The following LRRC4C variants were observed in gnomAD, a reference collection of about 807,000 sequenced individuals.
LRRC4C encodes the protein leucine rich repeat containing 4C, also known as leucine-rich repeat-containing protein 4C.
LRRC4C carries 5 observed loss-of-function variants against 33.6 expected under a neutral mutation model. That is an observed-to-expected ratio of 0.15 (90% CI 0.08 to 0.31). The LOEUF (loss-of-function observed/expected upper bound fraction) is 0.31, where lower values mean the gene tolerates loss of function less well. Ranked by LOEUF, LRRC4C falls within the 10% of genes least tolerant of loss-of-function variation. The probability of loss-of-function intolerance (pLI) is 1.00; values close to 1 mark genes in which losing one functional copy is unlikely to be tolerated. For missense variants in LRRC4C, 560 were observed against 796.7 expected, an observed-to-expected ratio of 0.70 and a Z score of 3.58; for synonymous variants, 329 against 302.0, an observed-to-expected ratio of 1.09 and a Z score of -0.93.
chr11:40,828,885 A>G (rs1156939396), intron 2 of LRRC4C, among the ~76,000 whole-genome samples: 3 of 151,984 alleles, frequency 2.0e-5, no homozygotes, highest in Non-Finnish European at 2.9e-5. Flanking sequence ...ATAAATCTAA[A>G]TATTTATAAA....
chr11:40,867,222 AATTAGAACTACTTCCATCATTGTACTCC>A (rs1954410518), intron 2 of LRRC4C, among the ~76,000 whole-genome samples: 1 of 152,162 alleles, frequency 6.6e-6, no homozygotes, highest in African/African-American at 2.4e-5. Context: ...GTATTGAATA[AATTAGAACTACTTCCATCATTGTACTCC>A]ATATATATCT....
At chr11:40,163,766 C>T (rs1355742148) in intron 5 of LRRC4C, among the ~76,000 whole-genome samples, 1 of 152,002 alleles carries the variant, frequency 6.6e-6, no homozygotes, top group East Asian at 1.9e-4. Flanking sequence ...GAGCCACACC[C>T]TTATATAATC....
intron 1 of LRRC4C, among the ~76,000 whole-genome samples, chr11:41,192,203 T>C (rs552942223): frequency 6.6e-6 from 1 of 152,232 alleles, no homozygotes; most frequent in African/African-American, 2.4e-5. Flanking sequence ...TACTAATTTT[T>C]GTTATTGGTT....
chr11:40,883,697 T>C (rs1955296863), intron 2 of LRRC4C, among the ~76,000 whole-genome samples: 1 of 151,944 alleles, frequency 6.6e-6, no homozygotes, highest in South Asian at 2.1e-4. Flanking sequence ...CTTTCTTCCT[T>C]TAAAAATGCT....
intron 2 of LRRC4C, among the ~76,000 whole-genome samples, chr11:40,907,787 C>A (rs550217915): frequency 1.3e-5 from 2 of 152,306 alleles, no homozygotes; most frequent in South Asian, 4.1e-4. Context: ...ATTCTTAAAT[C>A]TCAATGTGGC....
chr11:41,154,341 C>T (rs1590773436), intron 1 of LRRC4C, among the ~76,000 whole-genome samples: 1 of 152,102 alleles, frequency 6.6e-6, no homozygotes, highest in South Asian at 2.1e-4. Context: ...TTGCTTACAT[C>T]TTCATCTGTA....
intron 1 of LRRC4C, among the ~76,000 whole-genome samples, chr11:41,298,791 C>A (rs554461233): frequency 6.6e-6 from 1 of 152,134 alleles, no homozygotes; most frequent in East Asian, 1.9e-4. Flanking sequence ...TCCCACCCAC[C>A]CTTGCCCTTC....
intron 6 of LRRC4C, among the ~76,000 whole-genome samples, chr11:40,122,978 C>CAT (rs1855944084): frequency 7.0e-6 from 1 of 142,406 alleles, no homozygotes; most frequent in Non-Finnish European, 1.5e-5. Flanking sequence ...CACACACACA[C>CAT]ACACACACAT....
At chr11:40,934,983 C>G (rs939518910) in intron 1 of LRRC4C, among the ~76,000 whole-genome samples, 1 of 152,118 alleles carries the variant, frequency 6.6e-6, no homozygotes, top group Non-Finnish European at 1.5e-5. Flanking sequence ...ATGACTTACA[C>G]GTTGACCCTA....
intron 3 of LRRC4C, among the ~76,000 whole-genome samples, chr11:40,395,648 GT>G (rs1949508391): frequency 6.6e-6 from 1 of 152,012 alleles, no homozygotes; most frequent in Non-Finnish European, 1.5e-5. Flanking sequence ...ACTTTTTTGT[GT>G]GTGCTATTCA....
intron 1 of LRRC4C, among the ~76,000 whole-genome samples, chr11:41,307,629 C>G (rs572099039): frequency 6.6e-6 from 1 of 152,296 alleles, no homozygotes; most frequent in South Asian, 2.1e-4. Context: ...TGTGAAGAAT[C>G]TCATTACCAA....
intron 1 of LRRC4C, among the ~76,000 whole-genome samples, chr11:41,330,871 C>T (rs1951273337): frequency 6.6e-6 from 1 of 152,036 alleles, no homozygotes; most frequent in African/African-American, 2.4e-5. Context: ...AGTCTCCAAA[C>T]TTATTAAAAC....
rs997358124 is a variant in LRRC4C, at chr11:40,497,856, A to G, written c.-270+150286T>C. ...GAAGTTAAGCACAAGTTCCCAGGAC[A>G]AAGACCTCAGTTCTTATAAAAACTG... On this transcript the variant is annotated intron_variant, in intron 3 of 6. Transcript: ENST00000528697. Among the ~76,000 whole-genome samples the G allele has an allele frequency of 1.1e-4, 17 of 152,242 alleles. 3 individuals carry two copies. The highest frequency in any genetic ancestry group is 1.0e-3 in the Admixed American group (16 of 15,282).
intron 1 of LRRC4C, among the ~76,000 whole-genome samples, chr11:41,286,051 G>T (rs185921036): frequency 2.6e-5 from 4 of 152,014 alleles, no homozygotes; most frequent in African/African-American, 9.6e-5. Context: ...GGATGGACTC[G>T]ATCTCCTGAC....
At chr11:40,200,785 A>AAAAAAGG (rs1190458813) in intron 5 of LRRC4C, among the ~76,000 whole-genome samples, 1 of 38,664 alleles carries the variant, frequency 2.6e-5, no homozygotes. Flanking sequence ...AAAAAAAAAA[A>AAAAAAGG]AAAGAAAAGA....
At chr11:40,940,939 T>C (rs1362211423) in intron 1 of LRRC4C, among the ~76,000 whole-genome samples, 1 of 151,828 alleles carries the variant, frequency 6.6e-6, no homozygotes, top group African/African-American at 2.4e-5. Context: ...TTTTTTTTTT[T>C]TTGGACACTA....
intron 1 of LRRC4C, among the ~76,000 whole-genome samples, chr11:41,249,548 T>C (rs943236804): frequency 2.1e-4 from 32 of 152,160 alleles, no homozygotes; most frequent in Middle Eastern, 3.2e-3. Context: ...TCCTACCTTT[T>C]TGACTGCCTT....
chr11:41,129,250 C>T (rs1409235636), intron 1 of LRRC4C, among the ~76,000 whole-genome samples: 4 of 151,856 alleles, frequency 2.6e-5, no homozygotes, highest in East Asian at 3.9e-4. Flanking sequence ...TTATATTCTC[C>T]GTACCAACTG....
intron 3 of LRRC4C, among the ~76,000 whole-genome samples, chr11:40,511,202 A>G (rs950405696): frequency 6.6e-6 from 1 of 152,194 alleles, no homozygotes; most frequent in African/African-American, 2.4e-5. Flanking sequence ...GAAAGCCCAC[A>G]ATGGTTTTAA....
Sources: allele counts gnomAD v4.1 joint callset (sites outside exome capture counted in the v4.1 genomes callset), GRCh38; gene constraint gnomAD v4.1.1; transcripts MANE v1.5; gene names NCBI Gene and HGNC (gene_info 2026-07-23, HGNC 2026-07-21).